KRT80: variants seen among roughly 807,000 people sequenced by gnomAD.
KRT80 encodes the protein keratin 80, also known as keratin, type II cytoskeletal 80.
In KRT80, 36 loss-of-function variants were observed where a neutral mutation model predicts 51.5. The ratio of observed to expected loss-of-function variants is 0.70; its 90% CI spans 0.54 to 0.92. The LOEUF (loss-of-function observed/expected upper bound fraction) is 0.92. Ranked by LOEUF, KRT80 falls within the 40% of genes least tolerant of loss-of-function variation. The pLI is 0.00. For synonymous variants in KRT80, 235 were observed against 248.3 expected (o/e 0.95, Z 0.50); for missense variants, 566 against 591.7 (o/e 0.96, Z 0.45).
At chr12:52,191,110 C>T (rs528416540) in intron 1 of KRT80, among the ~76,000 whole-genome samples, 7 of 152,294 alleles carry the variant, frequency 4.6e-5, no homozygotes, top group South Asian at 4.2e-4. Flanking sequence ...CCAGCAGCCC[C>T]GCACTCACCC....
intron 4 of KRT80, among the ~76,000 whole-genome samples, chr12:52,177,684 C>T (rs571082323): frequency 6.8e-6 from 1 of 147,212 alleles, no homozygotes; most frequent in Admixed American, 7.0e-5. Flanking sequence ...TGTATGTACA[C>T]ACACACATGT....
intron 4 of KRT80, 68 bp downstream of exon 4, chr12:52,180,445 C>T: frequency 2.8e-6 from 3 of 1,087,132 alleles, no homozygotes; most frequent in Non-Finnish European, 3.7e-6. Flanking sequence ...GCTGTGCTTC[C>T]CCTGTGTCCT....
chr12:52,171,425 G>A lies in KRT80; in HGVS notation c.1332C>T (p.Phe444=). Residue 444 remains phenylalanine (F), a synonymous_variant, in exon 9 of 9, where the codon TTC becomes TTT. Transcript: ENST00000394815. ...IKITEMSEKY[F]SQESEVSE ...ACTCTGAGACCTCCGACTCCTGCGA[G>A]AAGTACTTCTCTGACATTTCGGTGA... The A allele has an allele frequency of 1.9e-6, 3 of 1,608,480 alleles. No individual in the cohort carries two copies. Among genetic ancestry groups the A allele is most frequent in the Non-Finnish European group, 2.5e-6 (3 of 1,177,220 alleles).
Position 52,180,964 on chromosome 12 carries a change from C to G in KRT80, c.510-1G>C, listed in dbSNP as rs754400985. 6 of 1,522,500 alleles carry G rather than the reference C, an allele frequency of 3.9e-6. No individual in the cohort carries two copies. The highest frequency in any genetic ancestry group is 8.8e-7 in the Non-Finnish European group (1 of 1,137,256). 94.3% of individuals were successfully genotyped at this position (1,522,500 alleles called of 1,614,324 possible). On this transcript the variant is annotated splice_acceptor_variant, in intron 2 of 8. Coordinates refer to ENST00000394815, the MANE Select transcript of KRT80 (RefSeq NM_182507.3). LOFTEE classifies it high-confidence loss of function. ...GCGCTTGGAGATCTCATCCTCATACCTGGGAGGGAGAGAGGGGTTGCTCAG... is the reference window on the plus strand; with the variant it reads ...GCGCTTGGAGATCTCATCCTCATACGTGGGAGGGAGAGAGGGGTTGCTCAG...
At chr12:52,185,230 G>A in intron 2 of KRT80, 149 bp downstream of exon 2, 1 of 774,444 alleles carries the variant, frequency 1.3e-6, no homozygotes. Context: ...AATACTGCCT[G>A]GCACATACCA....
At chr12:52,188,522 A>G (rs1941438754) in intron 1 of KRT80, among the ~76,000 whole-genome samples, 1 of 152,202 alleles carries the variant, frequency 6.6e-6, no homozygotes, top group African/African-American at 2.4e-5. Context: ...GGGGCTGTTG[A>G]ATCCCCGGCC....
chr12:52,169,634 G>A lies in KRT80; in HGVS notation c.*1764C>T, dbSNP rs188529034. 1.3e-5 allele frequency: 2 copies of A among 152,762 alleles called. No homozygotes were observed. Among genetic ancestry groups the A allele is most frequent in the African/African-American group, 4.8e-5 (2 of 41,566 alleles). 9.5% of individuals were successfully genotyped at this position (152,762 alleles called of 1,614,324 possible). On this transcript the variant is annotated 3_prime_UTR_variant, in exon 9 of 9. Transcript: ENST00000394815. ...GGCTGGAGTATGTGTTATCTTTCCAGATAGTACATACAGACTGATCATGCA... is the reference window on the plus strand; with the variant it reads ...GGCTGGAGTATGTGTTATCTTTCCAAATAGTACATACAGACTGATCATGCA...
chr12:52,187,985 C>G, intron 1 of KRT80, among the ~76,000 whole-genome samples: 1 of 152,122 alleles, frequency 6.6e-6, no homozygotes, highest in East Asian at 1.9e-4. Flanking sequence ...GTGCGTTTGG[C>G]CGGCCAGTCC....
chr12:52,173,511 A>C, intron 5 of KRT80, 89 bp downstream of exon 5: 1 of 1,307,274 alleles, frequency 7.6e-7, no homozygotes, highest in South Asian at 1.3e-5. Flanking sequence ...AGAGAGCTGC[A>C]GGCAACCTCA....
chr12:52,185,512 A>G lies in KRT80; in HGVS notation c.376T>C (p.Phe126Leu). The G allele has an allele frequency of 6.2e-7, 1 of 1,613,700 alleles. No individual in the cohort carries two copies. Among genetic ancestry groups the G allele is most frequent in the South Asian group, 1.1e-5 (1 of 91,080 alleles). ...SFLQGQDSAI[F>L]DLGHLYEEYQ... ...TCCTCATAGAGATGCCCGAGGTCGA[A>G]GATGGCTGAGTCCTGGCCCTGCAGG... The change falls in exon 2 of 9, where the codon TTC (phenylalanine) becomes CTC (leucine). Residue 126 changes from phenylalanine to leucine, a missense_variant. Coordinates refer to ENST00000394815, the MANE Select transcript of KRT80 (RefSeq NM_182507.3).
At chr12:52,190,676 A>G (rs141326841) in intron 1 of KRT80, among the ~76,000 whole-genome samples, 1 of 152,346 alleles carries the variant, frequency 6.6e-6, no homozygotes, top group African/African-American at 2.4e-5. Flanking sequence ...TTGTTGAGAG[A>G]AATACAGATA....
chr12:52,187,677 C>T (rs1005037305), intron 1 of KRT80, among the ~76,000 whole-genome samples: 1 of 152,178 alleles, frequency 6.6e-6, no homozygotes, highest in African/African-American at 2.4e-5. Flanking sequence ...CAACCTTAAT[C>T]CTGCTCTCTG....
rs1408984460 is a variant in KRT80 at position 52,180,497 on chromosome 12, G to A, written c.666+16C>T. The A allele has an allele frequency of 2.1e-6, 3 of 1,422,614 alleles. No homozygotes were observed. The highest frequency in any genetic ancestry group is 2.8e-6 in the Non-Finnish European group (3 of 1,083,506). The allele number at this position is 1,422,614 out of a possible 1,614,324, so 88.1% of individuals were successfully genotyped here. A position where few individuals can be genotyped will look rare whatever the true frequency, so the allele number is the denominator to read the frequency against. On this transcript the variant is annotated intron_variant, in intron 4 of 8. Coordinates refer to ENST00000394815, the MANE Select transcript of KRT80 (RefSeq NM_182507.3). ...CAGCTCTGGGCTTGGCAAGACACTGGCCCCATCTCACTCACCTGCTCATAG... is the reference window on the plus strand; with the variant it reads ...CAGCTCTGGGCTTGGCAAGACACTGACCCCATCTCACTCACCTGCTCATAG...
chr12:52,185,184 C>T (rs986611200), intron 2 of KRT80, among the ~76,000 whole-genome samples, 195 bp downstream of exon 2: 6 of 152,296 alleles, frequency 3.9e-5, no homozygotes, highest in East Asian at 1.9e-4. Flanking sequence ...AGGGAGGGGG[C>T]GGCTGTAGGT....
At chr12:52,173,830 C>T (rs1395940786) in intron 4 of KRT80, 66 bp from the exon 5 acceptor site, 26 of 1,516,650 alleles carry the variant, frequency 1.7e-5, no homozygotes, top group Middle Eastern at 3.4e-4. Context: ...CAGCCCCACA[C>T]AGTCACTTTG....
At chr12:52,183,729 G>A (rs1333510202) in intron 2 of KRT80, among the ~76,000 whole-genome samples, 4 of 152,274 alleles carry the variant, frequency 2.6e-5, no homozygotes, top group African/African-American at 4.8e-5. Context: ...TTCCATGGAC[G>A]TGATCTGGCG....
rs77596439 is a variant in KRT80 at position 52,174,353 on chromosome 12, C to T, written c.667-589G>A. ...TGGGCTGGAGGCTGACAAACCTGTACTCCCCTCTCCCGGCCCCACTGAAAG... is the reference window on the plus strand; with the variant it reads ...TGGGCTGGAGGCTGACAAACCTGTATTCCCCTCTCCCGGCCCCACTGAAAG... On this transcript the variant is annotated intron_variant, in intron 4 of 8. Transcript: ENST00000394815. Among the ~76,000 whole-genome samples, 758 of 152,288 alleles carry T rather than the reference C, an allele frequency of 5.0e-3. 9 individuals carry two copies. Among genetic ancestry groups the T allele is most frequent in the African/African-American group, 0.017 (717 of 41,556 alleles).
At chr12:52,172,911 T>C (rs1404240546) in intron 6 of KRT80, 127 bp downstream of exon 6, 1 of 1,107,864 alleles carries the variant, frequency 9.0e-7, no homozygotes, top group Admixed American at 2.5e-5. Context: ...ATTAGGAAAC[T>C]GAGGCACAGA....
rs568218088 is a variant in KRT80, at chr12:52,181,674, C to T, written c.510-711G>A. ...ATACTCAACAAAGCTCAATAACGCT[C>T]TTCTCAGTTTGGACTTCTTACTCGC... On this transcript the variant is annotated intron_variant, in intron 2 of 8. Coordinates refer to ENST00000394815, the MANE Select transcript of KRT80 (RefSeq NM_182507.3). Among the ~76,000 whole-genome samples the T allele has an allele frequency of 1.4e-4, 22 of 152,340 alleles. 2 individuals carry two copies. Among genetic ancestry groups the T allele is most frequent in the African/African-American group, 5.3e-4 (22 of 41,584 alleles).
Sources: allele counts gnomAD v4.1 joint callset (sites outside exome capture counted in the v4.1 genomes callset), GRCh38; gene constraint gnomAD v4.1.1; transcripts MANE v1.5; gene names NCBI Gene and HGNC (gene_info 2026-07-23, HGNC 2026-07-21).